The following C1QTNF7 variants were observed in gnomAD, a reference collection of about 807,000 sequenced individuals.
C1QTNF7 encodes complement C1q tumor necrosis factor-related protein 7.
C1QTNF7 carries 15 observed loss-of-function variants against 19.6 expected under a neutral mutation model. The observed-to-expected ratio is 0.76, with a 90% CI of 0.51 to 1.18. C1QTNF7 has a LOEUF of 1.18. C1QTNF7 is among the 50% of genes most tolerant of loss of function. C1QTNF7 has a pLI of 0.00. For synonymous variants in C1QTNF7, 142 were observed against 137.5 expected, an observed-to-expected ratio of 1.03 and a Z score of -0.23; for missense variants, 324 against 359.7, an observed-to-expected ratio of 0.90 and a Z score of 0.80.
At chr4:15,372,638 G>A (rs1717775778) in intron 1 of C1QTNF7, among the ~76,000 whole-genome samples, 1 of 152,190 alleles carries the variant, frequency 6.6e-6, no homozygotes, top group African/African-American at 2.4e-5. Flanking sequence ...TAAAATATGA[G>A]TTGGACTTGT....
At chr4:15,350,215 G>A (rs1246283829) in intron 1 of C1QTNF7, among the ~76,000 whole-genome samples, 6 of 128,782 alleles carry the variant, frequency 4.7e-5, no homozygotes, top group East Asian at 2.9e-4. Context: ...GGAAGGAAGG[G>A]AGGGAAGGAA....
At chr4:15,427,256 T>C (rs550352296), upstream of C1QTNF7, among the ~76,000 whole-genome samples, 18 of 152,260 alleles carry the variant, frequency 1.2e-4, no homozygotes, top group Non-Finnish European at 2.1e-4. Flanking sequence ...AAAAACAAGA[T>C]TTTTTTCAGT....
chr4:15,349,746 T>C (rs1716843661), intron 1 of C1QTNF7, among the ~76,000 whole-genome samples: 1 of 152,208 alleles, frequency 6.6e-6, no homozygotes, highest in Non-Finnish European at 1.5e-5. Context: ...CCAATGTTTT[T>C]CCTCATATCT....
chr4:15,442,329 G>C lies in C1QTNF7; in HGVS notation c.400G>C (p.Gly134Arg). 3 of 1,614,066 alleles carry C rather than the reference G, an allele frequency of 1.9e-6. No individual in the cohort carries two copies. The highest frequency in any genetic ancestry group is 2.5e-6 in the Non-Finnish European group (3 of 1,180,008). ...AGACAGAGGAGAACAAGGGGACCCGGGGCTGCCTGGAGTTTGCAGATGTGG... is the reference window on the plus strand; with the variant it reads ...AGACAGAGGAGAACAAGGGGACCCGCGGCTGCCTGGAGTTTGCAGATGTGG... ...KGDRGEQGDP[G>R]LPGVCRCGSI... The change falls in exon 3 of 3, where the codon GGG becomes CGG. Residue 134 changes from glycine (G) to arginine (R), a missense_variant. Gly to Arg is a moderately radical substitution (Grantham distance 125, BLOSUM62 -2). Transcript: ENST00000444304.
chr4:15,382,800 T>C (rs1718195732), intron 1 of C1QTNF7, among the ~76,000 whole-genome samples: 1 of 152,220 alleles, frequency 6.6e-6, no homozygotes, highest in African/African-American at 2.4e-5. Context: ...ATACTGTTAA[T>C]CTAACCTTAG....
At chr4:15,370,255 A>C (rs1331909257) in intron 1 of C1QTNF7, among the ~76,000 whole-genome samples, 3 of 152,184 alleles carry the variant, frequency 2.0e-5, no homozygotes, top group Non-Finnish European at 4.4e-5. Context: ...AACTGGCGAA[A>C]AAAAGCATTC....
rs183671933 is a variant in C1QTNF7, at chr4:15,442,089, T to C, written c.239-79T>C. 1.3e-5 allele frequency: 19 copies of C among 1,472,942 alleles called. No individual in the cohort carries two copies. The East Asian group carries it at 4.3e-4, about 33-fold the overall frequency. The allele number at this position is 1,472,942 out of a possible 1,614,324, so 91.2% of individuals were successfully genotyped here. A position where few individuals can be genotyped will look rare whatever the true frequency, so the allele number is the denominator to read the frequency against. ...TGCCTGAAAAGACAAAGTTGGGATGTGCTGGGACCATGTAGGTATATTGTT... is the reference window on the plus strand; with the variant it reads ...TGCCTGAAAAGACAAAGTTGGGATGCGCTGGGACCATGTAGGTATATTGTT... On this transcript the variant is annotated intron_variant, in intron 2 of 2. Transcript: ENST00000444304.
At chr4:15,415,582 T>C (rs1250150593) in intron 1 of C1QTNF7, among the ~76,000 whole-genome samples, 1 of 151,534 alleles carries the variant, frequency 6.6e-6, no homozygotes, top group Non-Finnish European at 1.5e-5. Context: ...GCTACATTAA[T>C]ATTTTGGTAT....
intron 1 of C1QTNF7, among the ~76,000 whole-genome samples, chr4:15,344,498 C>A (rs946280478): frequency 7.2e-5 from 11 of 152,142 alleles, no homozygotes; most frequent in African/African-American, 2.7e-4. Context: ...AACCCTCAGG[C>A]CTCAGTAAAT....
At chr4:15,339,826 A>C, upstream of C1QTNF7, 2 of 298,212 alleles carry the variant, frequency 6.7e-6, no homozygotes, top group Non-Finnish European at 1.3e-5. Context: ...GCAGAAGAAC[A>C]CTACCCACTC....
At chr4:15,389,334 G>A (rs1441687393) in intron 1 of C1QTNF7, among the ~76,000 whole-genome samples, 1 of 152,160 alleles carries the variant, frequency 6.6e-6, no homozygotes, top group Admixed American at 6.5e-5. Context: ...GTGGGAGGCA[G>A]GAGTGAGTTG....
intron 1 of C1QTNF7, among the ~76,000 whole-genome samples, chr4:15,369,208 G>A (rs558986384): frequency 6.6e-6 from 1 of 152,210 alleles, no homozygotes; most frequent in African/African-American, 2.4e-5. Flanking sequence ...AATTTTGAGA[G>A]TCTCTGCACA....
intron 1 of C1QTNF7, among the ~76,000 whole-genome samples, chr4:15,378,101 C>A (rs1718008429): frequency 6.6e-6 from 1 of 152,160 alleles, no homozygotes; most frequent in Non-Finnish European, 1.5e-5. Context: ...AACAGAATAA[C>A]AAGACACAGT....
intron 1 of C1QTNF7, among the ~76,000 whole-genome samples, chr4:15,378,401 T>C (rs1010068551): frequency 1.3e-5 from 2 of 152,226 alleles, no homozygotes; most frequent in African/African-American, 4.8e-5. Flanking sequence ...TAGTATCATA[T>C]GCCATAAGTA....
At chr4:15,342,613 C>T (rs565868579) in intron 1 of C1QTNF7, among the ~76,000 whole-genome samples, 1 of 152,244 alleles carries the variant, frequency 6.6e-6, no homozygotes, top group Non-Finnish European at 1.5e-5. Flanking sequence ...TAAAATATCA[C>T]GAAAGAGCCA....
chr4:15,429,784 T>A (rs1216117046), intron 1 of C1QTNF7, among the ~76,000 whole-genome samples: 1 of 152,226 alleles, frequency 6.6e-6, no homozygotes, highest in Non-Finnish European at 1.5e-5. Flanking sequence ...CTTTTGGATA[T>A]ATGCCCCAAA....
intron 1 of C1QTNF7, among the ~76,000 whole-genome samples, chr4:15,348,539 C>A (rs1168105990): frequency 6.6e-6 from 1 of 152,132 alleles, no homozygotes; most frequent in Non-Finnish European, 1.5e-5. Flanking sequence ...AAACCATCTG[C>A]AGGACCAAGC....
chr4:15,393,498 G>T (rs1718663489), intron 1 of C1QTNF7, among the ~76,000 whole-genome samples: 1 of 152,128 alleles, frequency 6.6e-6, no homozygotes, highest in Non-Finnish European at 1.5e-5. Context: ...AATCATCTGG[G>T]ATCACATTAA....
chr4:15,385,189 T>C (rs2380957), intron 1 of C1QTNF7, among the ~76,000 whole-genome samples: 73,293 of 152,040 alleles, frequency 0.48, 19,270 homozygotes, highest in African/African-American at 0.69. Flanking sequence ...CCTGGCACTA[T>C]TGTGGGTGCT....
Sources: allele counts gnomAD v4.1 joint callset (sites outside exome capture counted in the v4.1 genomes callset), GRCh38; gene constraint gnomAD v4.1.1; transcripts MANE v1.5; gene names NCBI Gene and HGNC (gene_info 2026-07-23, HGNC 2026-07-21).